The following KIF18A variants were observed in gnomAD, a reference collection of about 807,000 sequenced individuals.
KIF18A encodes the protein kinesin family member 18A.
KIF18A carries 67 observed loss-of-function variants against 103.3 expected under a neutral mutation model. The ratio of observed to expected loss-of-function variants is 0.65; its 90% CI spans 0.53 to 0.79. KIF18A has a LOEUF of 0.79. Among genes scored for constraint, KIF18A ranks in the 30% least tolerant of loss-of-function variants. The pLI is 0.00. For missense variants in KIF18A, 1,032 were observed against 1,062.5 expected (o/e 0.97, Z 0.40); for synonymous variants, 367 against 355.5 (o/e 1.03, Z -0.36).
In KIF18A at chr11:28,082,839, C is replaced by A; in HGVS notation, c.1262+17G>T. 1 of 1,425,340 alleles carries A rather than the reference C, an allele frequency of 7.0e-7. No homozygotes were observed. Among genetic ancestry groups the A allele is most frequent in the Non-Finnish European group, 9.7e-7 (1 of 1,030,732 alleles). 88.3% of individuals were successfully genotyped at this position (1,425,340 alleles called of 1,614,324 possible). ...AACAATAAATTCCTCAAAATTAGATCTTAATGTAATGTTTACCTTTCGATT... is the reference window on the plus strand; with the variant it reads ...AACAATAAATTCCTCAAAATTAGATATTAATGTAATGTTTACCTTTCGATT... On this transcript the variant is annotated intron_variant, in intron 9 of 16. Transcript: ENST00000263181.
intron 11 of KIF18A, among the ~76,000 whole-genome samples, chr11:28,066,014 A>C (rs1194856391): frequency 1.6e-4 from 25 of 152,014 alleles, no homozygotes; most frequent in Non-Finnish European, 3.7e-4. Flanking sequence ...TTCTTGAGAA[A>C]ATTTTTGCCA....
In KIF18A at chr11:28,091,361, T is replaced by C. The variant is rs772368937; in HGVS notation, c.588+48A>G. ...TGCATGGCTGGTGAAAATAGCTTAA[T>C]AGTCACATTTGCTATTCTAACAGGG... On this transcript the variant is annotated intron_variant, in intron 4 of 16. Coordinates refer to ENST00000263181, the MANE Select transcript of KIF18A (RefSeq NM_031217.4). 6.1e-6 allele frequency: 6 copies of C among 985,192 alleles called. 1 individual carries two copies. In the South Asian group the frequency reaches 7.0e-5, roughly 11 times the overall value. 61.0% of individuals were successfully genotyped at this position (985,192 alleles called of 1,614,324 possible).
At chr11:28,058,489 G>A (rs1336552358) in intron 13 of KIF18A, among the ~76,000 whole-genome samples, 6 of 54,244 alleles carry the variant, frequency 1.1e-4, no homozygotes, top group Non-Finnish European at 9.9e-5. Flanking sequence ...GTTTCTACAG[G>A]AAAAAAAAAA....
chr11:28,028,563 A>G (rs1274239938), intron 15 of KIF18A, among the ~76,000 whole-genome samples: 2 of 152,192 alleles, frequency 1.3e-5, no homozygotes, highest in East Asian at 3.9e-4. Flanking sequence ...GTAAATGCCC[A>G]CAAGAGAAAG....
chr11:28,074,467 T>C (rs1443070172), intron 10 of KIF18A, among the ~76,000 whole-genome samples: 1 of 152,098 alleles, frequency 6.6e-6, no homozygotes, highest in Non-Finnish European at 1.5e-5. Flanking sequence ...ACATCTTAAA[T>C]GCATCTCAAA....
chr11:28,047,105 A>G (rs929758397), intron 13 of KIF18A, among the ~76,000 whole-genome samples: 1 of 151,544 alleles, frequency 6.6e-6, no homozygotes, highest in African/African-American at 2.4e-5. Context: ...AAATATTGTA[A>G]GTTTGTTATA....
chr11:28,024,270 A>C (rs1049156329), intron 15 of KIF18A, among the ~76,000 whole-genome samples: 1 of 151,808 alleles, frequency 6.6e-6, no homozygotes, highest in Non-Finnish European at 1.5e-5. Context: ...TAAACAAGTG[A>C]GATTGTTTGA....
At chr11:28,099,310 G>T (rs1191717894) in intron 1 of KIF18A, among the ~76,000 whole-genome samples, 1 of 152,040 alleles carries the variant, frequency 6.6e-6, no homozygotes, top group African/African-American at 2.4e-5. Flanking sequence ...TAGAGTAATG[G>T]TTACCAGAGG....
At chr11:28,053,553 T>C (rs1014750158) in intron 13 of KIF18A, among the ~76,000 whole-genome samples, 13 of 152,266 alleles carry the variant, frequency 8.5e-5, no homozygotes, top group Non-Finnish European at 1.3e-4. Context: ...GTGCACAACG[T>C]GCAGGTTAGT....
At chr11:28,083,795 A>C (rs544093180) in intron 7 of KIF18A, among the ~76,000 whole-genome samples, 1 of 152,292 alleles carries the variant, frequency 6.6e-6, no homozygotes, top group African/African-American at 2.4e-5. Flanking sequence ...TGTAAGGGCT[A>C]CATGAAAATC....
At position 28,046,835 on chromosome 11, in the gene KIF18A, G is replaced by A. The variant is rs147388421; in HGVS notation, c.1949-10171C>T. Among the ~76,000 whole-genome samples, 77 of 149,988 alleles carry A rather than the reference G, an allele frequency of 5.1e-4. 1 individual carries two copies. The East Asian group carries it at 0.012, about 23-fold the overall frequency. ...GGGAGGCTGAGATAGGTGGATCACC[G>A]GAGGTCAGGAGTTTAAGACCAGCCT... On this transcript the variant is annotated intron_variant, in intron 13 of 16. Transcript: ENST00000263181.
chr11:28,107,707 A>C (rs909219892), intron 1 of KIF18A, among the ~76,000 whole-genome samples: 1 of 152,110 alleles, frequency 6.6e-6, no homozygotes, highest in African/African-American at 2.4e-5. Flanking sequence ...AAACACTCCC[A>C]ATTTGGAGTC....
intron 11 of KIF18A, among the ~76,000 whole-genome samples, chr11:28,064,339 T>G (rs866581719): frequency 6.6e-6 from 1 of 152,018 alleles, no homozygotes; most frequent in African/African-American, 2.4e-5. Flanking sequence ...ATCAGTTTAC[T>G]TGACTAAAAT....
intron 15 of KIF18A, among the ~76,000 whole-genome samples, chr11:28,025,290 A>G (rs1035615051): frequency 2.6e-5 from 4 of 152,120 alleles, no homozygotes; most frequent in Non-Finnish European, 5.9e-5. Flanking sequence ...ATAAATTACT[A>G]TGATTCTGTT....
Position 28,094,761 on chromosome 11 carries a change from G to C in KIF18A, c.365C>G (p.Thr122Ser). ...AGGTTCATCAGCTGATCCTAGCATAGTGTGGGTCTTCCCAGCACCAGTGGC... is the reference window on the plus strand; with the variant it reads ...AGGTTCATCAGCTGATCCTAGCATACTGTGGGTCTTCCCAGCACCAGTGGC... Reference protein sequence around the residue: ...YGATGAGKTHTMLGSADEPGV... With the variant: ...YGATGAGKTHSMLGSADEPGV... The change falls in exon 3 of 17, where the codon ACT becomes AGT. Residue 122 changes from threonine to serine, a missense_variant. Transcript: ENST00000263181. 1.2e-6 allele frequency: 2 copies of C among 1,613,958 alleles called. No homozygotes were observed. The highest frequency in any genetic ancestry group is 8.5e-7 in the Non-Finnish European group (1 of 1,179,906).
chr11:28,070,251 G>A (rs553985623), intron 10 of KIF18A, among the ~76,000 whole-genome samples: 11 of 152,266 alleles, frequency 7.2e-5, no homozygotes, highest in Middle Eastern at 3.4e-3. Context: ...GAATTTGGTC[G>A]AAGAACTCCC....
At chr11:28,031,448 G>A (rs868297948) in intron 15 of KIF18A, among the ~76,000 whole-genome samples, 58 of 151,932 alleles carry the variant, frequency 3.8e-4, no homozygotes, top group Admixed American at 3.3e-4. Context: ...ACCAAACACC[G>A]CATGTTCTCA....
chr11:28,076,955 A>AT, intron 10 of KIF18A, 52 bp downstream of exon 10: 3 of 847,142 alleles, frequency 3.5e-6, no homozygotes, highest in Non-Finnish European at 5.0e-6. Context: ...AAAAAAAAAA[A>AT]GCCCCCATGT....
intron 6 of KIF18A, 50 bp from the exon 7 acceptor site, chr11:28,084,858 A>T: frequency 7.0e-7 from 1 of 1,438,840 alleles, no homozygotes; most frequent in Non-Finnish European, 9.7e-7. Context: ...TTTAAATGCA[A>T]ACCTGCTACC....
Sources: gnomAD v4.1 joint callset for allele counts (sites outside exome capture counted in the v4.1 genomes callset) on GRCh38, gnomAD v4.1.1 for gene constraint, MANE v1.5 for transcripts, NCBI Gene and HGNC (gene_info 2026-07-23, HGNC 2026-07-21) for gene names.